The following OPCML variants were observed in gnomAD, a reference collection of about 807,000 sequenced individuals.
The protein encoded by OPCML is opioid binding protein/cell adhesion molecule like.
Under a neutral mutation model 37.8 loss-of-function variants are expected in OPCML, and 13 were observed. The ratio of observed to expected loss-of-function variants is 0.34; its 90% CI spans 0.22 to 0.55. The LOEUF is 0.55. OPCML is among the 20% of genes least tolerant of loss of function. The probability of loss-of-function intolerance (pLI) is 0.91; values close to 1 mark genes in which losing one functional copy is unlikely to be tolerated. For synonymous variants in OPCML, 176 were observed against 168.8 expected (o/e 1.04, Z -0.33); for missense variants, 341 against 435.6 (o/e 0.78, Z 1.93).
intron 2 of OPCML, among the ~76,000 whole-genome samples, chr11:132,809,420 T>C (rs1939201398): frequency 6.6e-6 from 1 of 152,204 alleles, no homozygotes; most frequent in Non-Finnish European, 1.5e-5. Flanking sequence ...CAGTTACCAC[T>C]GTGCTTTGTG....
chr11:133,076,335 A>T (rs1463267923), intron 1 of OPCML, among the ~76,000 whole-genome samples: 2 of 152,116 alleles, frequency 1.3e-5, no homozygotes, highest in Non-Finnish European at 2.9e-5. Context: ...TCAGGTTTTG[A>T]GAGGCAGGTG....
At chr11:132,501,133 G>T (rs900412174) in intron 4 of OPCML, among the ~76,000 whole-genome samples, 11 of 152,302 alleles carry the variant, frequency 7.2e-5, no homozygotes, top group Admixed American at 2.0e-4. Flanking sequence ...TCACCACACT[G>T]TCTTCCTATT....
chr11:132,493,132 T>C (rs770874420), intron 4 of OPCML, among the ~76,000 whole-genome samples: 2 of 152,020 alleles, frequency 1.3e-5, no homozygotes, highest in Non-Finnish European at 2.9e-5. Context: ...CTAAATTGAG[T>C]GTGGTGGTGG....
intron 3 of OPCML, among the ~76,000 whole-genome samples, chr11:132,567,214 G>A (rs752811136): frequency 3.3e-5 from 5 of 151,962 alleles, no homozygotes; most frequent in African/African-American, 9.7e-5. Flanking sequence ...AGCTTTTATC[G>A]CTTCCCAGTT....
At chr11:133,236,179 C>A (rs979800447) in intron 1 of OPCML, among the ~76,000 whole-genome samples, 1 of 152,102 alleles carries the variant, frequency 6.6e-6, no homozygotes, top group Non-Finnish European at 1.5e-5. Context: ...GTGGCTTGAA[C>A]ACATGCACTG....
chr11:132,505,066 T>A (rs997797257), intron 4 of OPCML, among the ~76,000 whole-genome samples: 1 of 151,992 alleles, frequency 6.6e-6, no homozygotes, highest in Non-Finnish European at 1.5e-5. Flanking sequence ...AAGAGAAGTA[T>A]AACAGGTGGA....
In OPCML at chr11:133,336,733, T is replaced by C. The variant is rs533609678; in HGVS notation, c.61+195531A>G. The stretch of plus-strand genomic sequence containing the variant: ...TATCAGAGGTTCTACTTTTAGTGAA[T>C]GTCCTTGCTCTTAGCATCTCTCTTT... On this transcript the variant is annotated intron_variant, in intron 1 of 7. Transcript: ENST00000524381. Among the ~76,000 whole-genome samples the C allele has an allele frequency of 5.1e-4, 78 of 152,362 alleles. No individual in the cohort carries two copies. In the South Asian group the frequency reaches 0.016, roughly 30 times the overall value.
rs147949058 is a variant in OPCML at position 133,287,442 on chromosome 11, G to T, written c.61+244822C>A. On this transcript the variant is annotated intron_variant, in intron 1 of 7. Coordinates refer to ENST00000524381, the MANE Select transcript of OPCML (RefSeq NM_001012393.5). ...ATTGCTTCGACATGCACAGGAACCA[G>T]ATTTTAGCTGTTTGATAGCCCCCTG... Among the ~76,000 whole-genome samples, 60 of 149,166 alleles carry T rather than the reference G, an allele frequency of 4.0e-4. No individual in the cohort carries two copies. In the East Asian group the frequency reaches 0.012, roughly 29 times the overall value.
intron 1 of OPCML, among the ~76,000 whole-genome samples, chr11:133,142,192 A>G (rs892898929): frequency 1.3e-5 from 2 of 152,220 alleles, no homozygotes; most frequent in African/African-American, 4.8e-5. Flanking sequence ...TTTAAAATGT[A>G]TTGTTCTGAC....
chr11:133,148,975 G>A (rs1418442072), intron 1 of OPCML, among the ~76,000 whole-genome samples: 1 of 152,126 alleles, frequency 6.6e-6, no homozygotes, highest in Admixed American at 6.5e-5. Flanking sequence ...AAGGAGAGAG[G>A]GGTTAAGGTA....
At chr11:133,157,328 C>T (rs1565477818) in intron 1 of OPCML, among the ~76,000 whole-genome samples, 1 of 152,164 alleles carries the variant, frequency 6.6e-6, no homozygotes, top group South Asian at 2.1e-4. Context: ...TTCATCAGGT[C>T]CAGGCAGCTG....
chr11:133,372,804 T>C (rs1944702055), intron 1 of OPCML, among the ~76,000 whole-genome samples: 1 of 152,322 alleles, frequency 6.6e-6, no homozygotes, highest in South Asian at 2.1e-4. Context: ...TTCTGACATA[T>C]TAGCAATCCA....
intron 1 of OPCML, among the ~76,000 whole-genome samples, chr11:133,452,475 T>C (rs1946599385): frequency 6.6e-6 from 1 of 151,438 alleles, no homozygotes; most frequent in Non-Finnish European, 1.5e-5. Flanking sequence ...TATAGTATGA[T>C]AGCAGATAGT....
chr11:133,093,477 A>G (rs1396558072), intron 1 of OPCML, among the ~76,000 whole-genome samples: 2 of 152,098 alleles, frequency 1.3e-5, no homozygotes, highest in African/African-American at 4.8e-5. Context: ...CGTAACTATA[A>G]TTATCAAGCA....
At chr11:132,793,709 C>T (rs1938098737) in intron 2 of OPCML, among the ~76,000 whole-genome samples, 1 of 152,144 alleles carries the variant, frequency 6.6e-6, no homozygotes, top group African/African-American at 2.4e-5. Flanking sequence ...AAGCACACAC[C>T]CATGATGCCA....
intron 4 of OPCML, among the ~76,000 whole-genome samples, chr11:132,450,167 C>T (rs1369890688): frequency 6.6e-6 from 1 of 152,230 alleles, no homozygotes; most frequent in Non-Finnish European, 1.5e-5. Context: ...TTCCTCATCA[C>T]TACACTCCAG....
intron 1 of OPCML, among the ~76,000 whole-genome samples, chr11:133,492,968 C>T (rs1335841841): frequency 6.6e-6 from 1 of 152,198 alleles, no homozygotes; most frequent in East Asian, 1.9e-4. Flanking sequence ...TCAGGCACCA[C>T]CACGAGGCAA....
chr11:132,708,565 G>A (rs1944130738), intron 2 of OPCML, among the ~76,000 whole-genome samples: 1 of 152,198 alleles, frequency 6.6e-6, no homozygotes, highest in Non-Finnish European at 1.5e-5. Flanking sequence ...ATCAGACCAA[G>A]TAGGTAACAC....
At chr11:132,589,853 A>T (rs1014483599) in intron 3 of OPCML, among the ~76,000 whole-genome samples, 4 of 152,164 alleles carry the variant, frequency 2.6e-5, no homozygotes, top group Non-Finnish European at 4.4e-5. Context: ...AAGTTGTTAA[A>T]TTTTTTATGT....
Sources: allele counts gnomAD v4.1 joint callset (sites outside exome capture counted in the v4.1 genomes callset), GRCh38; gene constraint gnomAD v4.1.1; transcripts MANE v1.5; gene names NCBI Gene and HGNC (gene_info 2026-07-23, HGNC 2026-07-21).